Variants in FMN2 observed in about 807,000 individuals in gnomAD.
FMN2 encodes the protein formin 2, also known as formin-2.
FMN2 carries 51 observed loss-of-function variants against 142.3 expected under a neutral mutation model. That is an observed-to-expected ratio of 0.36 (90% CI 0.29 to 0.45). The LOEUF (loss-of-function observed/expected upper bound fraction) is 0.45. Among genes scored for constraint, FMN2 ranks in the 20% least tolerant of loss-of-function variants. FMN2 has a pLI of 1.00. For missense variants in FMN2, 1,936 were observed against 2,122.8 expected (o/e 0.91, Z 1.73); for synonymous variants, 882 against 869.8 (o/e 1.01, Z -0.25).
intron 7 of FMN2, among the ~76,000 whole-genome samples, chr1:240,280,849 A>G (rs370927727): frequency 6.6e-6 from 1 of 152,164 alleles, no homozygotes; most frequent in East Asian, 1.9e-4. Context: ...AGTTGAGATA[A>G]GCGCCGAGTC....
chr1:240,368,972 T>TATATATATATATATATATATATATAA (rs777048454), intron 14 of FMN2, among the ~76,000 whole-genome samples: 1 of 151,290 alleles, frequency 6.6e-6, no homozygotes, highest in African/African-American at 2.4e-5. Context: ...TATATATATA[T>TATATATATATATATATATATATATAA]AAACACAGAG....
intron 6 of FMN2, among the ~76,000 whole-genome samples, chr1:240,219,409 C>T (rs1035742265): frequency 9.9e-5 from 15 of 152,038 alleles, no homozygotes; most frequent in African/African-American, 3.6e-4. Flanking sequence ...TAGGTCCTAC[C>T]TTTTGTCTAC....
At chr1:240,445,578 T>C (rs1016043368) in intron 16 of FMN2, among the ~76,000 whole-genome samples, 5 of 152,072 alleles carry the variant, frequency 3.3e-5, no homozygotes, top group African/African-American at 1.2e-4. Context: ...TTAAGCACTT[T>C]CCAAGAAAGA....
chr1:240,281,644 C>T (rs1474222237), intron 7 of FMN2, among the ~76,000 whole-genome samples: 1 of 152,092 alleles, frequency 6.6e-6, no homozygotes, highest in Non-Finnish European at 1.5e-5. Flanking sequence ...CTCGAGAGTA[C>T]ATTTTTGTCT....
At chr1:240,261,464 G>A (rs973056740) in intron 7 of FMN2, among the ~76,000 whole-genome samples, 10 of 151,378 alleles carry the variant, frequency 6.6e-5, no homozygotes, top group Non-Finnish European at 1.3e-4. Flanking sequence ...TAAACAGCAA[G>A]AATCATTTTC....
intron 6 of FMN2, among the ~76,000 whole-genome samples, chr1:240,212,562 G>T (rs1315272696): frequency 6.6e-6 from 1 of 152,094 alleles, no homozygotes; most frequent in Non-Finnish European, 1.5e-5. Context: ...AATATCAGTG[G>T]CTATGTCCAG....
At chr1:240,339,504 G>A (rs1349626852) in intron 13 of FMN2, among the ~76,000 whole-genome samples, 2 of 151,638 alleles carry the variant, frequency 1.3e-5, no homozygotes, top group South Asian at 4.2e-4. Context: ...GAACACTACT[G>A]TTTTATGATT....
chr1:240,353,202 C>T (rs1056289759), intron 13 of FMN2, among the ~76,000 whole-genome samples: 1 of 152,176 alleles, frequency 6.6e-6, no homozygotes, highest in Non-Finnish European at 1.5e-5. Flanking sequence ...CTTATAAAAA[C>T]AATAGCAGCA....
chr1:240,464,199 G>A (rs1241550490), intron 16 of FMN2, among the ~76,000 whole-genome samples: 1 of 152,026 alleles, frequency 6.6e-6, no homozygotes, highest in African/African-American at 2.4e-5. Context: ...TGTTTTGTTG[G>A]TTTAAAATGA....
chr1:240,317,805 C>T (rs1475383920), intron 8 of FMN2, among the ~76,000 whole-genome samples: 6 of 152,092 alleles, frequency 3.9e-5, no homozygotes, highest in Non-Finnish European at 8.8e-5. Flanking sequence ...TGTATATTTA[C>T]GTTTTAAGAA....
chr1:240,408,533 G>GT (rs200383085), intron 15 of FMN2, among the ~76,000 whole-genome samples: 34 of 151,798 alleles, frequency 2.2e-4, no homozygotes, highest in African/African-American at 6.5e-4. Context: ...CATATCCCAT[G>GT]TTTTTTTTCT....
Position 240,092,815 on chromosome 1 carries a change from C to G in FMN2, c.706C>G (p.Pro236Ala), listed in dbSNP as rs745532786. 3.8e-6 allele frequency: 6 copies of G among 1,577,560 alleles called. No homozygotes were observed. The highest frequency in any genetic ancestry group is 5.2e-6 in the Non-Finnish European group (6 of 1,162,822). ...LQGAEEPAAPPTAVSPQPGAF... is the reference protein window; with the variant it reads ...LQGAEEPAAPATAVSPQPGAF... ...GGGCGCCGAGGAGCCTGCAGCGCCCCCCACTGCCGTCTCCCCTCAGCCCGG... is the reference window on the plus strand; with the variant it reads ...GGGCGCCGAGGAGCCTGCAGCGCCCGCCACTGCCGTCTCCCCTCAGCCCGG... Residue 236 changes from proline (P) to alanine (A), a missense_variant, in exon 1 of 18, where the codon CCC (proline) becomes GCC (alanine). By Grantham distance (27) the Pro-to-Ala change is conservative (BLOSUM62 -1). Around this residue, in one of 8 missense-constraint regions of FMN2, gnomAD observed 751 missense variants for 791.8 expected, o/e 0.95. Coordinates refer to ENST00000319653, the MANE Select transcript of FMN2 (RefSeq NM_020066.5).
chr1:240,388,133 G>A (rs527839423), intron 14 of FMN2, among the ~76,000 whole-genome samples: 62 of 143,702 alleles, frequency 4.3e-4, no homozygotes, highest in African/African-American at 1.3e-3. Context: ...AGCTGAGAGC[G>A]GGTCACTGCA....
chr1:240,308,481 T>C (rs921021388), intron 8 of FMN2, among the ~76,000 whole-genome samples: 1 of 152,190 alleles, frequency 6.6e-6, no homozygotes, highest in Admixed American at 6.5e-5. Flanking sequence ...CCTGAAGCCA[T>C]GGTGTTTAGT....
At chr1:240,175,234 T>A (rs1425822250) in intron 2 of FMN2, among the ~76,000 whole-genome samples, 2 of 152,324 alleles carry the variant, frequency 1.3e-5, no homozygotes, top group South Asian at 2.1e-4. Flanking sequence ...CATTCATGGA[T>A]GGTCACTTGG....
At position 240,474,159 on chromosome 1, in the gene FMN2, T is replaced by G; in HGVS notation, c.*5T>G. 6.4e-7 allele frequency: 1 copy of G among 1,551,366 alleles called. No individual in the cohort carries two copies. Among genetic ancestry groups the G allele is most frequent in the Non-Finnish European group, 8.6e-7 (1 of 1,157,742 alleles). The stretch of plus-strand genomic sequence containing the variant: ...AAGATAAGCATGAAAACTTGAACAA[T>G]GAAAAGCAGAATGAAAATGAGTCAT... On this transcript the variant is annotated 3_prime_UTR_variant, in exon 18 of 18. Coordinates refer to ENST00000319653, the MANE Select transcript of FMN2 (RefSeq NM_020066.5).
chr1:240,313,493 C>G (rs1670662771), intron 8 of FMN2, among the ~76,000 whole-genome samples: 1 of 152,002 alleles, frequency 6.6e-6, no homozygotes, highest in Non-Finnish European at 1.5e-5. Context: ...TTATAATCAC[C>G]TTGAATACAA....
chr1:240,304,580 C>T (rs1013915893), intron 8 of FMN2, among the ~76,000 whole-genome samples: 1 of 152,216 alleles, frequency 6.6e-6, no homozygotes, highest in African/African-American at 2.4e-5. Context: ...AAAAAGAGGG[C>T]TCTGGCCGTT....
chr1:240,176,701 T>A (rs1029721741), intron 2 of FMN2, among the ~76,000 whole-genome samples: 1 of 152,236 alleles, frequency 6.6e-6, no homozygotes, highest in Non-Finnish European at 1.5e-5. Flanking sequence ...TTTCTGATAT[T>A]CAGTATGCTA....
Sources: allele counts gnomAD v4.1 joint callset (sites outside exome capture counted in the v4.1 genomes callset), GRCh38; gene constraint gnomAD v4.1.1; regional missense constraint gnomAD v4.1.1; transcripts MANE v1.5; gene names NCBI Gene and HGNC (gene_info 2026-07-23, HGNC 2026-07-21).